HRH2: variants seen among roughly 807,000 people sequenced by gnomAD.
HRH2 encodes the protein histamine receptor H2, also known as histamine H2 receptor.
A neutral mutation model predicts 20.1 loss-of-function variants in HRH2; 4 were observed. The observed-to-expected ratio is 0.20, with a 90% CI of 0.10 to 0.45. The LOEUF (loss-of-function observed/expected upper bound fraction) is 0.45. HRH2 is among the 20% of genes least tolerant of loss of function. The pLI is 0.99. For missense variants in HRH2, 250 were observed against 461.6 expected (o/e 0.54, Z 4.20); for synonymous variants, 197 against 200.7 (o/e 0.98, Z 0.16).
intron 2 of HRH2, among the ~76,000 whole-genome samples, chr5:175,694,937 C>T (rs1368039765): frequency 6.6e-6 from 1 of 152,126 alleles, no homozygotes; most frequent in Non-Finnish European, 1.5e-5. Context: ...GAACGGCTCA[C>T]GGGGGCTCTT....
chr5:175,679,099 G>A (rs891762377), intron 1 of HRH2, among the ~76,000 whole-genome samples: 4 of 152,158 alleles, frequency 2.6e-5, no homozygotes, highest in African/African-American at 9.7e-5. Flanking sequence ...ACCTCTTTCT[G>A]TGGAAATCTT....
intron 2 of HRH2, among the ~76,000 whole-genome samples, chr5:175,692,011 C>T (rs1456420238): frequency 6.6e-6 from 1 of 152,176 alleles, no homozygotes; most frequent in African/African-American, 2.4e-5. Context: ...ACCCCTTCAC[C>T]TGATGCTTTT....
intron 2 of HRH2, among the ~76,000 whole-genome samples, chr5:175,702,718 A>ATTTTTTTTTTTTT (rs778509797): frequency 7.2e-6 from 1 of 139,752 alleles, no homozygotes; most frequent in African/African-American, 2.9e-5. Flanking sequence ...CGCCTGGCTA[A>ATTTTTTTTTTTTT]TTTTTTCTTT....
chr5:175,704,083 A>G (rs1756867620), intron 2 of HRH2: 1 of 152,176 alleles, frequency 6.6e-6, no homozygotes, highest in Non-Finnish European at 1.5e-5. Context: ...CAAAGAAAAG[A>G]GATCACTGTG....
intron 1 of HRH2, among the ~76,000 whole-genome samples, chr5:175,660,700 C>T (rs992901091): frequency 3.3e-5 from 5 of 152,142 alleles, no homozygotes; most frequent in African/African-American, 1.2e-4. Flanking sequence ...AGGTAACTTA[C>T]GGTTCAGTAA....
chr5:175,675,870 G>T, intron 1 of HRH2, among the ~76,000 whole-genome samples: 1 of 152,174 alleles, frequency 6.6e-6, no homozygotes, highest in East Asian at 1.9e-4. Flanking sequence ...AGAGACACAT[G>T]GTGAAAAAGA....
intron 2 of HRH2, among the ~76,000 whole-genome samples, chr5:175,695,903 AAAG>A (rs1756561092): frequency 6.6e-6 from 1 of 152,260 alleles, no homozygotes; most frequent in Non-Finnish European, 1.5e-5. Context: ...CAGAGCCAGT[AAAG>A]GTCTCAAACC....
chr5:175,664,914 A>G (rs1762842296), intron 1 of HRH2, among the ~76,000 whole-genome samples: 2 of 152,222 alleles, frequency 1.3e-5, no homozygotes, highest in Admixed American at 1.3e-4. Context: ...CTGGGATTAC[A>G]GGCGTGAGCC....
intron 1 of HRH2, among the ~76,000 whole-genome samples, chr5:175,673,406 A>G (rs1755634452): frequency 6.6e-6 from 1 of 152,192 alleles, no homozygotes; most frequent in South Asian, 2.1e-4. Context: ...AAAAAGAATC[A>G]GGGGTCCTTT....
At chr5:175,659,744 GCA>G (rs1232729124) in intron 1 of HRH2, among the ~76,000 whole-genome samples, 4 of 152,176 alleles carry the variant, frequency 2.6e-5, no homozygotes, top group African/African-American at 9.7e-5. Context: ...CTGGCACCTG[GCA>G]CGTGCGCGAT....
chr5:175,703,741 A>G (rs1268806949), intron 2 of HRH2, among the ~76,000 whole-genome samples: 1 of 152,186 alleles, frequency 6.6e-6, no homozygotes, highest in Non-Finnish European at 1.5e-5. Flanking sequence ...TGTTGCAGAG[A>G]TCAAAAAAGA....
intron 1 of HRH2, among the ~76,000 whole-genome samples, chr5:175,679,917 C>T (rs868300608): frequency 2.0e-4 from 31 of 152,180 alleles, no homozygotes; most frequent in African/African-American, 7.0e-4. Flanking sequence ...AATTTGAATC[C>T]AGGTTCTGCC....
intron 2 of HRH2, among the ~76,000 whole-genome samples, chr5:175,701,947 A>G (rs13168704): frequency 0.093 from 14,166 of 152,222 alleles, 733 homozygotes; most frequent in African/African-American, 0.12. Flanking sequence ...AAGGGGGTTG[A>G]AGAAGATTAA....
intron 2 of HRH2, among the ~76,000 whole-genome samples, chr5:175,684,706 G>A (rs550122094): frequency 6.6e-6 from 1 of 152,282 alleles, no homozygotes; most frequent in Admixed American, 6.5e-5. Context: ...AAGTAACCAT[G>A]TCACCAATGC....
At chr5:175,668,279 G>C (rs560845699) in intron 1 of HRH2, among the ~76,000 whole-genome samples, 1 of 152,322 alleles carries the variant, frequency 6.6e-6, no homozygotes, top group African/African-American at 2.4e-5. Flanking sequence ...AAAGTAGTGA[G>C]TGCTGGGGCT....
At position 175,710,383 on chromosome 5, in the gene HRH2, C is replaced by A. The variant is rs1474144300; in HGVS notation, c.*2412C>A. Reference sequence around the variant, plus strand: ...GGCATGATTTGCCCTGGTGATCCCCCCAGAGGTGCTTAGTCTCTTGGCTGA... The same window carrying A: ...GGCATGATTTGCCCTGGTGATCCCCACAGAGGTGCTTAGTCTCTTGGCTGA... On this transcript the variant is annotated 3_prime_UTR_variant, in exon 3 of 3. Transcript: ENST00000636584. The A allele has an allele frequency of 6.6e-6, 1 of 152,294 alleles. No individual in the cohort carries two copies. The highest frequency in any genetic ancestry group is 2.4e-5 in the African/African-American group (1 of 41,466). The allele number at this position is 152,294 out of a possible 1,614,324, so 9.4% of individuals were successfully genotyped here.
At chr5:175,674,715 C>T (rs74619482) in intron 1 of HRH2, among the ~76,000 whole-genome samples, 3,420 of 152,236 alleles carry the variant, frequency 0.022, 142 homozygotes, top group African/African-American at 0.077. Flanking sequence ...GAAGCAAGAA[C>T]AAGTCATGCC....
chr5:175,681,420 G>C lies in HRH2; in HGVS notation c.-525-1289G>C, dbSNP rs1049697381. Among the ~76,000 whole-genome samples, 4 of 152,164 alleles carry C rather than the reference G, an allele frequency of 2.6e-5. No homozygotes were observed. Among genetic ancestry groups the C allele is most frequent in the South Asian group, 2.1e-4 (1 of 4,826 alleles). The stretch of plus-strand genomic sequence containing the variant: ...TGGAGATTAGCTTGCTTCTGAGAGG[G>C]GGTTCCGCCATCAACTCGATTTCTG... On this transcript the variant is annotated intron_variant, in intron 1 of 2. Coordinates refer to ENST00000636584, the MANE Select transcript of HRH2 (RefSeq NM_001367711.1). This position sits in a 1 kb window ranked among gnomAD's most constrained non-coding sequence, Gnocchi z 4.3.
chr5:175,691,499 T>G (rs1414705030), intron 2 of HRH2: 3 of 152,550 alleles, frequency 2.0e-5, no homozygotes, highest in African/African-American at 7.2e-5. Flanking sequence ...TCTGAGCAAG[T>G]CTGAAGGCGC....
Sources: gnomAD v4.1 joint callset for allele counts (sites outside exome capture counted in the v4.1 genomes callset) on GRCh38, gnomAD v4.1.1 for gene constraint, Gnocchi (gnomAD v3.1) non-coding constraint, MANE v1.5 for transcripts, NCBI Gene and HGNC (gene_info 2026-07-23, HGNC 2026-07-21) for gene names.